Variants in ALLC observed in about 807,000 individuals in gnomAD.
ALLC encodes the protein probable inactive allantoicase.
Under a neutral mutation model 45.0 loss-of-function variants are expected in ALLC, and 40 were observed. The ratio of observed to expected loss-of-function variants is 0.89; its 90% CI spans 0.69 to 1.16. The LOEUF is 1.16. Among genes scored for constraint, ALLC ranks in the 50% most tolerant of loss-of-function variants. The pLI, the probability that ALLC is intolerant of heterozygous loss-of-function variation, is 0.00. For synonymous variants in ALLC, 176 were observed against 178.1 expected (o/e 0.99, Z 0.09); for missense variants, 488 against 493.1 (o/e 0.99, Z 0.10).
the ALLC span, among the ~76,000 whole-genome samples, chr2:3,646,193 C>T: frequency 2.0e-5 from 3 of 152,044 alleles, no homozygotes; most frequent in African/African-American, 7.2e-5. Flanking sequence ...ACCGGGTTCC[C>T]TAGGCTCAAG....
At chr2:3,676,994 GCCAGGCTGGTCTC>G (rs1667041900) in intron 3 of ALLC, among the ~76,000 whole-genome samples, 1 of 152,116 alleles carries the variant, frequency 6.6e-6, no homozygotes, top group South Asian at 2.1e-4. Flanking sequence ...CACCATGTTG[GCCAGGCTGGTCTC>G]GAACTCCTGA....
At chr2:3,667,335 C>G (rs1463443571) in intron 1 of ALLC, among the ~76,000 whole-genome samples, 1 of 152,222 alleles carries the variant, frequency 6.6e-6, no homozygotes, top group Admixed American at 6.5e-5. Context: ...CATGCTCAGC[C>G]CCGGGCATGG....
the ALLC span, among the ~76,000 whole-genome samples, chr2:3,645,940 G>A: frequency 2.6e-5 from 4 of 152,178 alleles, no homozygotes; most frequent in Admixed American, 6.5e-5. This position sits in a 1 kb window ranked among gnomAD's most constrained non-coding sequence, Gnocchi z 4.3. Flanking sequence ...GGGAGGCCCC[G>A]ACGGCCCTTT....
intron 11 of ALLC, 94 bp from the exon 12 acceptor site, chr2:3,702,269 A>T: frequency 2.9e-6 from 3 of 1,024,968 alleles, no homozygotes; most frequent in Non-Finnish European, 2.8e-6. Flanking sequence ...CCCTTCGGTT[A>T]AGTCTAAGCC....
intron 10 of ALLC, among the ~76,000 whole-genome samples, chr2:3,700,712 C>A (rs565263778): frequency 1.4e-4 from 22 of 152,280 alleles, no homozygotes; most frequent in African/African-American, 5.1e-4. Context: ...ATAGAAATAG[C>A]AGCTCTAATG....
chr2:3,674,673 C>T lies in ALLC; in HGVS notation c.84+548C>T, dbSNP rs116135577. Reference sequence around the variant, plus strand: ...GACTGGCCTCCATTGTGGGCAGCGGCCATCTGGTTACCCTGGTGAAATGGT... The same window carrying T: ...GACTGGCCTCCATTGTGGGCAGCGGTCATCTGGTTACCCTGGTGAAATGGT... On this transcript the variant is annotated intron_variant, in intron 3 of 11. Coordinates refer to ENST00000252505, the MANE Select transcript of ALLC (RefSeq NM_018436.4). Among the ~76,000 whole-genome samples, 441 of 152,260 alleles carry T rather than the reference C, an allele frequency of 2.9e-3. 1 individual carries two copies. Among genetic ancestry groups the T allele is most frequent in the African/African-American group, 1.0e-2 (415 of 41,552 alleles).
the ALLC span, among the ~76,000 whole-genome samples, chr2:3,651,309 TGGGTGGGGG>T: frequency 4.3e-4 from 5 of 11,616 alleles, 2 homozygotes; most frequent in African/African-American, 1.3e-3. Context: ...GGTGGGTGGG[TGGGTGGGGG>T]GGGTGTGTGT....
At chr2:3,686,009 C>A (rs1359857860) in intron 7 of ALLC, among the ~76,000 whole-genome samples, 1 of 150,736 alleles carries the variant, frequency 6.6e-6, no homozygotes, top group African/African-American at 2.4e-5. Context: ...TCTGTTTTTC[C>A]TGTTGTTGCC....
At chr2:3,678,295 C>A (rs555504725) in intron 3 of ALLC, among the ~76,000 whole-genome samples, 173 bp from the exon 4 acceptor site, 1 of 152,280 alleles carries the variant, frequency 6.6e-6, no homozygotes, top group African/African-American at 2.4e-5. Context: ...ATGATAAAAG[C>A]GGAGGCATCT....
upstream of ALLC, among the ~76,000 whole-genome samples, chr2:3,655,698 G>A (rs1666422043): frequency 6.6e-6 from 1 of 152,222 alleles, no homozygotes; most frequent in Non-Finnish European, 1.5e-5. Context: ...GGGCTCAAGG[G>A]ATCCTCCCGT....
At chr2:3,691,439 T>A (rs11681728) in intron 7 of ALLC, among the ~76,000 whole-genome samples, 49,042 of 151,742 alleles carry the variant, frequency 0.32, 8,014 homozygotes, top group Middle Eastern at 0.41. Flanking sequence ...TTTGTTTTTT[T>A]TTTTGTAGAA....
chr2:3,680,423 G>A lies in ALLC; in HGVS notation c.298+429G>A, dbSNP rs1031553518. On this transcript the variant is annotated intron_variant, in intron 5 of 11. Coordinates refer to ENST00000252505, the MANE Select transcript of ALLC (RefSeq NM_018436.4). The surrounding 1 kb of genome is among the most constrained non-coding windows in gnomAD (Gnocchi z 4.0). ...GTGTGTGTGATGGGGGAGCTGCTAT[G>A]GCATTTTAGGCAAGGGTTCCTATCT... Among the ~76,000 whole-genome samples, 9 of 152,178 alleles carry A rather than the reference G, an allele frequency of 5.9e-5. No homozygotes were observed. Among genetic ancestry groups the A allele is most frequent in the African/African-American group, 2.2e-4 (9 of 41,430 alleles).
Position 3,695,700 on chromosome 2 carries a change from G to T in ALLC, c.512-17G>T. 1 of 1,613,896 alleles carries T rather than the reference G, an allele frequency of 6.2e-7. No individual in the cohort carries two copies. The highest frequency in any genetic ancestry group is 2.2e-5 in the East Asian group (1 of 44,886). On this transcript the variant is annotated splice_polypyrimidine_tract_variant and intron_variant, in intron 7 of 11. Transcript: ENST00000252505. ...GCCATTTTTACAAACAATAACTAAG[G>T]CACCTTTCCTTTTCAGATGGTGGAA...
At chr2:3,688,930 TG>T in intron 7 of ALLC, 1 of 184,626 alleles carries the variant, frequency 5.4e-6, no homozygotes, top group Non-Finnish European at 1.2e-5. Context: ...AAAGCAGCCT[TG>T]GTGACCAGGT....
chr2:3,692,641 G>T (rs1667553640), intron 7 of ALLC, among the ~76,000 whole-genome samples: 1 of 152,214 alleles, frequency 6.6e-6, no homozygotes, highest in African/African-American at 2.4e-5. Flanking sequence ...GTCCCAGGGA[G>T]CATATTCTAG....
intron 11 of ALLC, 37 bp downstream of exon 11, chr2:3,701,673 C>G (rs1239231223): frequency 2.3e-5 from 37 of 1,594,170 alleles, no homozygotes; most frequent in Non-Finnish European, 3.2e-5. Flanking sequence ...AGCACTCAGA[C>G]TGTGCTATTT....
the ALLC span, among the ~76,000 whole-genome samples, chr2:3,646,773 A>G: frequency 1.3e-5 from 2 of 152,180 alleles, no homozygotes; most frequent in Non-Finnish European, 2.9e-5. Context: ...CTGCTCACCC[A>G]TGCATTCATT....
At chr2:3,671,872 T>C (rs1478453003) in intron 2 of ALLC, among the ~76,000 whole-genome samples, 3 of 108,384 alleles carry the variant, frequency 2.8e-5, no homozygotes, top group South Asian at 2.8e-4. Flanking sequence ...TGGGAGGTCC[T>C]CTGGCTCTGG....
At chr2:3,696,791 T>G (rs571098748) in intron 9 of ALLC, among the ~76,000 whole-genome samples, 1 of 152,224 alleles carries the variant, frequency 6.6e-6, no homozygotes, top group African/African-American at 2.4e-5. Context: ...AGTAACTAAT[T>G]TGAGATAGAG....
Sources: gnomAD v4.1 joint callset for allele counts (sites outside exome capture counted in the v4.1 genomes callset) on GRCh38, gnomAD v4.1.1 for gene constraint, Gnocchi (gnomAD v3.1) non-coding constraint, MANE v1.5 for transcripts, NCBI Gene and HGNC (gene_info 2026-07-23, HGNC 2026-07-21) for gene names.